Variants in HIF3A observed in about 807,000 individuals in gnomAD.
HIF3A encodes hypoxia-inducible factor 3-alpha.
A neutral mutation model predicts 67.2 loss-of-function variants in HIF3A; 41 were observed. That is an observed-to-expected ratio of 0.61 (90% CI 0.48 to 0.79). The LOEUF is 0.79. Ranked by LOEUF, HIF3A falls within the 30% of genes least tolerant of loss-of-function variation. HIF3A has a pLI of 0.00. For synonymous variants in HIF3A, 356 were observed against 374.8 expected (o/e 0.95, Z 0.58); for missense variants, 855 against 898.0 (o/e 0.95, Z 0.61).
At chr19:46,333,793 T>C (rs1309050917) in intron 13 of HIF3A, among the ~76,000 whole-genome samples, 2 of 132,124 alleles carry the variant, frequency 1.5e-5, no homozygotes, top group South Asian at 2.6e-4. Flanking sequence ...TCTTTCTTTT[T>C]TTTTTTTTTT....
rs898938555 is a variant in HIF3A, at chr19:46,340,497, CTCT to C, written c.*886_*888del. ...CTTCCTCTTCCTCCTGCTCCTCTTC[CTCT>C]TCTTCTTCTTTTTTTTTTTTGACAG... On this transcript the variant is annotated 3_prime_UTR_variant, in exon 15 of 15. Coordinates refer to ENST00000377670, the MANE Select transcript of HIF3A (RefSeq NM_152795.4). 44 of 155,216 alleles carry C rather than the reference CTCT, an allele frequency of 2.8e-4. No homozygotes were observed. The highest frequency in any genetic ancestry group is 5.8e-4 in the African/African-American group (24 of 41,480). The allele number at this position is 155,216 out of a possible 1,614,324, so 9.6% of individuals were successfully genotyped here.
At chr19:46,313,582 C>T (rs532622231) in intron 8 of HIF3A, among the ~76,000 whole-genome samples, 23 of 151,088 alleles carry the variant, frequency 1.5e-4, no homozygotes, top group African/African-American at 4.4e-4. Flanking sequence ...TTTTGACACA[C>T]GCATGCAGTT....
At position 46,329,905 on chromosome 19, in the gene HIF3A, G is replaced by A. The variant is rs115542652; in HGVS notation, c.1712+427G>A. Reference sequence around the variant, plus strand: ...GAGCCCAGGAGATCGAGGCTGCAGCGAGCTGTGCTTGTGCCACTGCACTCC... The same window carrying A: ...GAGCCCAGGAGATCGAGGCTGCAGCAAGCTGTGCTTGTGCCACTGCACTCC... On this transcript the variant is annotated intron_variant, in intron 12 of 14. Transcript: ENST00000377670. Among the ~76,000 whole-genome samples, 603 of 146,288 alleles carry A rather than the reference G, an allele frequency of 4.1e-3. 6 individuals carry two copies. Among genetic ancestry groups the A allele is most frequent in the African/African-American group, 0.014 (558 of 39,378 alleles).
intron 1 of HIF3A, chr19:46,303,578 C>G: frequency 6.5e-7 from 1 of 1,533,230 alleles, no homozygotes. Flanking sequence ...CCAGGCGTCC[C>G]TAGCCTGGGA....
At chr19:46,322,339 G>A (rs894767155) in intron 10 of HIF3A, among the ~76,000 whole-genome samples, 4 of 152,140 alleles carry the variant, frequency 2.6e-5, no homozygotes, top group Non-Finnish European at 5.9e-5. Flanking sequence ...TCATCTACCT[G>A]GAGATAGTGT....
In HIF3A at chr19:46,341,294, G is replaced by A. The variant is rs1465554371; in HGVS notation, c.*1672G>A. 6.6e-6 allele frequency: 1 copy of A among 151,208 alleles called. No homozygotes were observed. The highest frequency in any genetic ancestry group is 1.5e-5 in the Non-Finnish European group (1 of 67,844). The allele number at this position is 151,208 out of a possible 1,614,324, so 9.4% of individuals were successfully genotyped here. On this transcript the variant is annotated 3_prime_UTR_variant, in exon 15 of 15. Transcript: ENST00000377670. ...GGCTCACTGCAGCCTCCACCTCCTG[G>A]GTTCAAGCAATTCTTGGGCCTCAGC...
intron 10 of HIF3A, among the ~76,000 whole-genome samples, chr19:46,322,346 G>C (rs1203062191): frequency 6.6e-6 from 1 of 152,156 alleles, no homozygotes; most frequent in African/African-American, 2.4e-5. Flanking sequence ...CCTGGAGATA[G>C]TGTCAGATTT....
At chr19:46,335,619 C>A (rs1027939474) in intron 14 of HIF3A, among the ~76,000 whole-genome samples, 3 of 151,928 alleles carry the variant, frequency 2.0e-5, no homozygotes, top group Non-Finnish European at 2.9e-5. Flanking sequence ...GCCTATAGTT[C>A]CAGCTACTCT....
intron 8 of HIF3A, among the ~76,000 whole-genome samples, chr19:46,317,231 T>A (rs900719202): frequency 6.6e-6 from 1 of 151,970 alleles, no homozygotes; most frequent in African/African-American, 2.4e-5. Context: ...TATAATTTTT[T>A]AAAAATAGGG....
intron 8 of HIF3A, among the ~76,000 whole-genome samples, chr19:46,316,585 T>G (rs1568521881): frequency 6.6e-6 from 1 of 152,042 alleles, no homozygotes; most frequent in Non-Finnish European, 1.5e-5. Context: ...GGCAGATGAC[T>G]TGAGGTCAGG....
intron 14 of HIF3A, among the ~76,000 whole-genome samples, chr19:46,338,051 T>G (rs1252315957): frequency 1.3e-5 from 2 of 152,224 alleles, no homozygotes; most frequent in Non-Finnish European, 2.9e-5. Context: ...CCTAGCTTTG[T>G]GCTAAATCCT....
At chr19:46,321,681 GA>G (rs1970374854) in intron 9 of HIF3A, 94 bp from the exon 10 acceptor site, 10 of 1,107,866 alleles carry the variant, frequency 9.0e-6, no homozygotes, top group Non-Finnish European at 1.2e-5. Flanking sequence ...ACCTGCTGAA[GA>G]TGTCAACTGT....
intron 5 of HIF3A, 53 bp downstream of exon 5, chr19:46,308,828 C>T (rs1969158405): frequency 8.1e-7 from 1 of 1,237,374 alleles, no homozygotes. Flanking sequence ...GGGTGTGAGC[C>T]CTGAAAGATC....
At chr19:46,329,983 G>T (rs866214371) in intron 12 of HIF3A, among the ~76,000 whole-genome samples, 184 of 136,256 alleles carry the variant, frequency 1.4e-3, no homozygotes, top group African/African-American at 2.3e-3. Flanking sequence ...AAAAGATAGA[G>T]AGAGAGAGAG....
chr19:46,314,806 G>A (rs1346222107), intron 8 of HIF3A, among the ~76,000 whole-genome samples: 1 of 146,198 alleles, frequency 6.8e-6, no homozygotes, highest in Non-Finnish European at 1.5e-5. Flanking sequence ...TGATCCACCC[G>A]CCTCAGCCTC....
At chr19:46,308,448 T>C in intron 4 of HIF3A, 143 bp downstream of exon 4, 4 of 668,404 alleles carry the variant, frequency 6.0e-6, no homozygotes. Context: ...CTGGGGTCTA[T>C]GGGGACAAAG....
Position 46,312,673 on chromosome 19 carries a change from G to A in HIF3A, c.1025+20G>A, listed in dbSNP as rs1169960497. On this transcript the variant is annotated intron_variant, in intron 8 of 14. Coordinates refer to ENST00000377670, the MANE Select transcript of HIF3A (RefSeq NM_152795.4). Reference sequence around the variant, plus strand: ...AATCAGGTAAGCAGGAGGAGGGGCTGGGGTGGCTGTGTGTGGGCCTGATCT... The same window carrying A: ...AATCAGGTAAGCAGGAGGAGGGGCTAGGGTGGCTGTGTGTGGGCCTGATCT... 1.9e-6 allele frequency: 3 copies of A among 1,539,790 alleles called. No individual in the cohort carries two copies. The highest frequency in any genetic ancestry group is 1.3e-5 in the South Asian group (1 of 78,834).
At chr19:46,302,988 G>C (rs1968474171) in intron 1 of HIF3A, among the ~76,000 whole-genome samples, 1 of 152,204 alleles carries the variant, frequency 6.6e-6, no homozygotes, top group Non-Finnish European at 1.5e-5. Flanking sequence ...CATAAATCCA[G>C]GCCCATAGAG....
At chr19:46,337,314 G>T (rs10420758) in intron 14 of HIF3A, among the ~76,000 whole-genome samples, 1 of 152,142 alleles carries the variant, frequency 6.6e-6, no homozygotes, top group Non-Finnish European at 1.5e-5. Context: ...ACAGTGGTGC[G>T]ATCACAGCTC....
Sources: allele counts gnomAD v4.1 joint callset (sites outside exome capture counted in the v4.1 genomes callset), GRCh38; gene constraint gnomAD v4.1.1; transcripts MANE v1.5; gene names NCBI Gene and HGNC (gene_info 2026-07-23, HGNC 2026-07-21).